The following CFAP96 variants were observed in gnomAD, a reference collection of about 807,000 sequenced individuals.
CFAP96 encodes cilia-and flagella-associated protein 96.
chr4:185,425,718 C>G, the CFAP96 span: 1 of 1,250,402 alleles, frequency 8.0e-7, no homozygotes. Context: ...GACAGGCGAA[C>G]TGGAGAGCCG....
the CFAP96 span, chr4:185,413,831 AT>A: frequency 4.3e-6 from 7 of 1,613,374 alleles, no homozygotes; most frequent in Non-Finnish European, 5.9e-6. Context: ...ACCTTTTGAA[AT>A]AGGGTCTGTC....
the CFAP96 span, among the ~76,000 whole-genome samples, chr4:185,428,239 T>G: frequency 5.9e-5 from 9 of 151,870 alleles, no homozygotes; most frequent in African/African-American, 1.9e-4. Context: ...TCTTAGCTCC[T>G]TGGGCCTCTT....
the CFAP96 span, among the ~76,000 whole-genome samples, chr4:185,436,899 C>G: frequency 6.6e-6 from 1 of 152,004 alleles, no homozygotes; most frequent in Admixed American, 6.6e-5. Context: ...AATTTTATCT[C>G]TTGCTATGGT....
At chr4:185,426,151 G>A in the CFAP96 span, 1 of 513,594 alleles carries the variant, frequency 1.9e-6, no homozygotes, top group Non-Finnish European at 3.5e-6. Context: ...TCTTCGATGC[G>A]GATTCGAATC....
chr4:185,449,649 T>TG, the CFAP96 span: 1 of 1,529,438 alleles, frequency 6.5e-7, no homozygotes. Context: ...TATTAGCAAC[T>TG]GGAAGACAAG....
chr4:185,422,811 C>T, the CFAP96 span, among the ~76,000 whole-genome samples: 247 of 152,302 alleles, frequency 1.6e-3, 1 homozygote, highest in African/African-American at 5.6e-3. Context: ...GAGGCCTGGG[C>T]TGTACCCCCA....
At chr4:185,425,695 G>T in the CFAP96 span, among the ~76,000 whole-genome samples, 1 of 152,198 alleles carries the variant, frequency 6.6e-6, no homozygotes, top group Admixed American at 6.5e-5. Flanking sequence ...CTTTCCCCCC[G>T]GCCCAGCGCG....
At chr4:185,425,679 A>G in the CFAP96 span, among the ~76,000 whole-genome samples, 1 of 152,220 alleles carries the variant, frequency 6.6e-6, no homozygotes, top group Non-Finnish European at 1.5e-5. Flanking sequence ...ACACTTGTGT[A>G]GGGCACTTTC....
the CFAP96 span, among the ~76,000 whole-genome samples, chr4:185,416,704 AAC>A: frequency 1.3e-5 from 2 of 152,200 alleles, no homozygotes; most frequent in Non-Finnish European, 2.9e-5. Flanking sequence ...TTGCACCTGG[AAC>A]ATCTGATGGG....
At chr4:185,423,055 C>A in the CFAP96 span, among the ~76,000 whole-genome samples, 1 of 152,194 alleles carries the variant, frequency 6.6e-6, no homozygotes, top group Admixed American at 6.5e-5. Context: ...GACGGGATCT[C>A]AGAATATTGG....
the CFAP96 span, among the ~76,000 whole-genome samples, chr4:185,433,327 C>A: frequency 6.7e-6 from 1 of 148,890 alleles, no homozygotes; most frequent in African/African-American, 2.5e-5. Flanking sequence ...AACTCCGGAG[C>A]CTGAGGTTGC....
chr4:185,445,187 T>C, the CFAP96 span: 2 of 1,379,760 alleles, frequency 1.4e-6, no homozygotes, highest in Non-Finnish European at 2.0e-6. Flanking sequence ...CCAACTTTTA[T>C]ACTTCTTCAA....
the CFAP96 span, among the ~76,000 whole-genome samples, chr4:185,410,447 G>C: frequency 6.6e-6 from 1 of 151,154 alleles, no homozygotes; most frequent in East Asian, 2.0e-4. Flanking sequence ...TCAGGAGTTC[G>C]AGACCAGCCT....
At chr4:185,439,818 T>C in the CFAP96 span, among the ~76,000 whole-genome samples, 9 of 136,066 alleles carry the variant, frequency 6.6e-5, no homozygotes, top group South Asian at 2.3e-4. Context: ...CATATACTCA[T>C]ATATGTATAT....
chr4:185,432,925 C>G, the CFAP96 span, among the ~76,000 whole-genome samples: 5 of 151,590 alleles, frequency 3.3e-5, no homozygotes, highest in African/African-American at 9.7e-5. Context: ...GAGTCTTGCT[C>G]TGTTGCTCAG....
At chr4:185,423,781 T>G in the CFAP96 span, among the ~76,000 whole-genome samples, 4 of 151,958 alleles carry the variant, frequency 2.6e-5, no homozygotes, top group African/African-American at 9.7e-5. Flanking sequence ...CACACACAGA[T>G]ACACATATTC....
the CFAP96 span, among the ~76,000 whole-genome samples, chr4:185,431,211 A>C: frequency 1.7e-4 from 1 of 5,980 alleles, no homozygotes; most frequent in African/African-American, 2.4e-4. Flanking sequence ...CTCCGTCTCA[A>C]AAAAAAAAAA....
chr4:185,433,887 G>A, the CFAP96 span, among the ~76,000 whole-genome samples: 1 of 152,076 alleles, frequency 6.6e-6, no homozygotes, highest in African/African-American at 2.4e-5. Context: ...GGGCGACAGA[G>A]ACTCTGTCTC....
At chr4:185,411,369 C>T in the CFAP96 span, among the ~76,000 whole-genome samples, 1 of 151,744 alleles carries the variant, frequency 6.6e-6, no homozygotes, top group Non-Finnish European at 1.5e-5. Context: ...ATAAACTTCT[C>T]TAAAAAACTA....
Sources: allele counts gnomAD v4.1 joint callset (sites outside exome capture counted in the v4.1 genomes callset), GRCh38; gene constraint gnomAD v4.1.1; transcripts MANE v1.5; gene names NCBI Gene and HGNC (gene_info 2026-07-23, HGNC 2026-07-21).